Variants in SEC14L5 observed in about 807,000 individuals in gnomAD.
The protein encoded by SEC14L5 is SEC14-like protein 5.
Under a neutral mutation model 84.6 loss-of-function variants are expected in SEC14L5, and 96 were observed. The ratio of observed to expected loss-of-function variants is 1.13; its 90% CI spans 0.96 to 1.34. The LOEUF (loss-of-function observed/expected upper bound fraction) is 1.34, where lower values mean the gene tolerates loss of function less well. Among genes scored for constraint, SEC14L5 ranks in the 40% most tolerant of loss-of-function variants. The pLI is 0.00. For synonymous variants in SEC14L5, 546 were observed against 383.4 expected (o/e 1.42, Z -4.95); for missense variants, 1,224 against 942.5 (o/e 1.30, Z -3.91).
chr16:4,981,669 G>T (rs1478415081), intron 2 of SEC14L5, among the ~76,000 whole-genome samples: 1 of 152,136 alleles, frequency 6.6e-6, no homozygotes, highest in African/African-American at 2.4e-5. Context: ...GGAGGGAGTG[G>T]GGACTGGGCC....
intron 2 of SEC14L5, chr16:4,960,724 T>A (rs1955111258): frequency 6.6e-6 from 1 of 152,168 alleles, no homozygotes. Context: ...TCTCCTGGCT[T>A]CCAAATCCTG....
At chr16:4,991,001 G>T (rs774985412) in intron 5 of SEC14L5, 106 bp downstream of exon 5, 17 of 905,782 alleles carry the variant, frequency 1.9e-5, no homozygotes, top group Non-Finnish European at 2.4e-5. Context: ...TGGGCTCAGT[G>T]TTATCTGTTA....
Position 5,017,759 on chromosome 16 carries a change from CA to C in SEC14L5, c.*2790del, listed in dbSNP as rs1955891756. The C allele has an allele frequency of 6.6e-6, 1 of 152,226 alleles. No homozygotes were observed. Among genetic ancestry groups the C allele is most frequent in the Non-Finnish European group, 1.5e-5 (1 of 68,054 alleles). The allele number at this position is 152,226 out of a possible 1,614,324, so 9.4% of individuals were successfully genotyped here. A position where few individuals can be genotyped will look rare whatever the true frequency, so the allele number is the denominator to read the frequency against. On this transcript the variant is annotated 3_prime_UTR_variant, in exon 16 of 16. Coordinates refer to ENST00000251170, the MANE Select transcript of SEC14L5 (RefSeq NM_014692.2). ...CATCTGCTACGGCCGGCTCTCCTCC[CA>C]TGTGGAGGTCTCGGGGACCCACGTG... is the stretch of plus-strand genomic sequence containing the variant.
At chr16:4,998,938 A>C (rs1280529368) in intron 8 of SEC14L5, among the ~76,000 whole-genome samples, 4 of 152,126 alleles carry the variant, frequency 2.6e-5, no homozygotes, top group East Asian at 1.9e-4. Context: ...GAACTTTTTC[A>C]GTCATGCTGA....
In SEC14L5 at chr16:5,018,414, C is replaced by A. The variant is rs530781758; in HGVS notation, c.*3444C>A. ...GGGCGTGGTGGCTCATGCCTATAAT[C>A]CCAACACTTTGGGAGGCTGAGGCCG... On this transcript the variant is annotated 3_prime_UTR_variant, in exon 16 of 16. Coordinates refer to ENST00000251170, the MANE Select transcript of SEC14L5 (RefSeq NM_014692.2). 1 of 152,382 alleles carries A rather than the reference C, an allele frequency of 6.6e-6. No homozygotes were observed. Among genetic ancestry groups the A allele is most frequent in the South Asian group, 2.1e-4 (1 of 4,826 alleles). 9.4% of individuals were successfully genotyped at this position (152,382 alleles called of 1,614,324 possible).
Position 4,959,378 on chromosome 16 carries a change from G to C in SEC14L5, c.55G>C (p.Val19Leu). The change falls in exon 2 of 16, where the codon GTC (valine) becomes CTC (leucine). Residue 19 changes from valine (V) to leucine (L), a missense_variant. By Grantham distance (32) the Val-to-Leu change is conservative. Transcript: ENST00000251170. The stretch of plus-strand genomic sequence containing the variant: ...AGTCTACAAGTACCCGTTTGAGCTG[G>C]TCATGGCGGTGAGTGACTCCTGATT... Reference protein sequence around the residue: ...VRVYKYPFELVMAAYEKRFPT... With the variant: ...VRVYKYPFELLMAAYEKRFPT... 1 of 1,613,800 alleles carries C rather than the reference G, an allele frequency of 6.2e-7. No individual in the cohort carries two copies. The highest frequency in any genetic ancestry group is 1.3e-5 in the African/African-American group (1 of 75,022).
chr16:4,975,790 G>A (rs1358494857), intron 2 of SEC14L5, among the ~76,000 whole-genome samples: 4 of 152,168 alleles, frequency 2.6e-5, no homozygotes, highest in Non-Finnish European at 1.5e-5. Context: ...GGGGTTGATA[G>A]GGAGACTCCT....
In SEC14L5 at chr16:5,011,283, C is replaced by G; in HGVS notation, c.1979+10C>G. On this transcript the variant is annotated intron_variant, in intron 15 of 15. Coordinates refer to ENST00000251170, the MANE Select transcript of SEC14L5 (RefSeq NM_014692.2). Reference sequence around the variant, plus strand: ...CCTCTGAGGACTTCAGGTAGGAGGGCTCCGGAGCGGGGTCCTGGGCAGGAA... The same window carrying G: ...CCTCTGAGGACTTCAGGTAGGAGGGGTCCGGAGCGGGGTCCTGGGCAGGAA... The G allele has an allele frequency of 1.8e-5, 29 of 1,608,670 alleles. No homozygotes were observed. The highest frequency in any genetic ancestry group is 2.5e-5 in the Non-Finnish European group (29 of 1,175,778).
chr16:5,005,879 A>AAAC, intron 11 of SEC14L5, 35 bp from the exon 12 acceptor site: 2 of 1,510,370 alleles, frequency 1.3e-6, no homozygotes, highest in Non-Finnish European at 1.8e-6. Context: ...AAAAAAAAAA[A>AAAC]AAACCATCCA....
In SEC14L5 at chr16:4,958,380, C is replaced by A. The variant is rs905468033; in HGVS notation, c.-117C>A. 8 of 152,698 alleles carry A rather than the reference C, an allele frequency of 5.2e-5. No individual in the cohort carries two copies. Among genetic ancestry groups the A allele is most frequent in the African/African-American group, 1.9e-4 (8 of 41,460 alleles). The allele number at this position is 152,698 out of a possible 1,614,324, so 9.5% of individuals were successfully genotyped here. Reference sequence around the variant, plus strand: ...CGCCCCTCCGGCCTTCCACAGCTGTCCTGGCCGCAGGGTGTTCAAGGCGGG... The same window carrying A: ...CGCCCCTCCGGCCTTCCACAGCTGTACTGGCCGCAGGGTGTTCAAGGCGGG... On this transcript the variant is annotated 5_prime_UTR_variant, in exon 1 of 16. Transcript: ENST00000251170.
At chr16:4,962,165 CA>C (rs540573784) in intron 2 of SEC14L5, among the ~76,000 whole-genome samples, 1,065 of 72,906 alleles carry the variant, frequency 0.015, 3 homozygotes, top group African/African-American at 0.034. Flanking sequence ...GACTCTGTCT[CA>C]AAAAAAAAAA....
At chr16:4,990,736 G>T (rs752432025) in intron 4 of SEC14L5, 31 bp from the exon 5 acceptor site, 2 of 1,587,124 alleles carry the variant, frequency 1.3e-6, no homozygotes, top group African/African-American at 1.4e-5. Flanking sequence ...CCGACATTGA[G>T]TCCCTGGCAT....
intron 2 of SEC14L5, among the ~76,000 whole-genome samples, chr16:4,968,972 T>C (rs1020609465): frequency 5.9e-5 from 9 of 152,270 alleles, no homozygotes; most frequent in Non-Finnish European, 1.2e-4. Context: ...TATTGTGGCT[T>C]AGGCCAAAAG....
At chr16:4,986,747 T>C (rs1031226563) in intron 2 of SEC14L5, among the ~76,000 whole-genome samples, 2 of 152,240 alleles carry the variant, frequency 1.3e-5, no homozygotes, top group South Asian at 2.1e-4. Flanking sequence ...ATTTTACACT[T>C]CTTTTTGTTG....
intron 2 of SEC14L5, among the ~76,000 whole-genome samples, chr16:4,969,307 C>T (rs1292629370): frequency 5.3e-5 from 8 of 152,118 alleles, no homozygotes; most frequent in Non-Finnish European, 1.5e-5. Context: ...TTGCTGTGTG[C>T]CGAAGGCTGT....
In SEC14L5 at chr16:5,016,740, C is replaced by T. The variant is rs543415875; in HGVS notation, c.*1770C>T. On this transcript the variant is annotated 3_prime_UTR_variant, in exon 16 of 16. Transcript: ENST00000251170. ...TGCAGGGCCAGGAAACTTATATCTA[C>T]GCCAGCCTCAACCCCAAACCCAAGG... is the stretch of plus-strand genomic sequence containing the variant. 2.6e-5 allele frequency: 4 copies of T among 152,312 alleles called. No homozygotes were observed. The highest frequency in any genetic ancestry group is 4.1e-4 in the South Asian group (2 of 4,828). 9.4% of individuals were successfully genotyped at this position (152,312 alleles called of 1,614,324 possible).
At chr16:4,991,246 G>A (rs535543463) in intron 5 of SEC14L5, among the ~76,000 whole-genome samples, 12 of 142,146 alleles carry the variant, frequency 8.4e-5, no homozygotes, top group South Asian at 4.4e-4. Context: ...GTAAAAACCC[G>A]TTCTTGTGAT....
In SEC14L5 at chr16:5,015,683, G is replaced by A. The variant is rs1955868488; in HGVS notation, c.*713G>A. 6.6e-6 allele frequency: 1 copy of A among 152,500 alleles called. No homozygotes were observed. Among genetic ancestry groups the A allele is most frequent in the African/African-American group, 2.4e-5 (1 of 41,476 alleles). The allele number at this position is 152,500 out of a possible 1,614,324, so 9.4% of individuals were successfully genotyped here. ...CTAAGAAGAAGGAGGAAGGATGCTGGGGAGGCAGAAATGAAGGGTGTTTAC... is the reference window on the plus strand; with the variant it reads ...CTAAGAAGAAGGAGGAAGGATGCTGAGGAGGCAGAAATGAAGGGTGTTTAC... On this transcript the variant is annotated 3_prime_UTR_variant, in exon 16 of 16. Transcript: ENST00000251170.
At chr16:4,999,868 T>C (rs1176169579) in intron 8 of SEC14L5, among the ~76,000 whole-genome samples, 2 of 151,860 alleles carry the variant, frequency 1.3e-5, no homozygotes, top group Non-Finnish European at 2.9e-5. Context: ...TGAGCTGAGA[T>C]TGCTCCACTG....
Sources: allele counts gnomAD v4.1 joint callset (sites outside exome capture counted in the v4.1 genomes callset), GRCh38; gene constraint gnomAD v4.1.1; transcripts MANE v1.5; gene names NCBI Gene and HGNC (gene_info 2026-07-23, HGNC 2026-07-21).